CERK: variants seen among roughly 807,000 people sequenced by gnomAD.
CERK encodes acylsphingosine kinase.
A neutral mutation model predicts 63.4 loss-of-function variants in CERK; 39 were observed. The ratio of observed to expected loss-of-function variants is 0.61; its 90% CI spans 0.48 to 0.80. CERK has a LOEUF of 0.80. Ranked by LOEUF, CERK falls within the 30% of genes least tolerant of loss-of-function variation. The pLI is 0.00. For missense variants in CERK, 670 were observed against 714.1 expected, an observed-to-expected ratio of 0.94 and a Z score of 0.70; for synonymous variants, 302 against 280.0, an observed-to-expected ratio of 1.08 and a Z score of -0.78.
intron 1 of CERK, among the ~76,000 whole-genome samples, chr22:46,730,557 T>C (rs1052219021): frequency 2.6e-5 from 4 of 152,288 alleles, no homozygotes; most frequent in Admixed American, 1.3e-4. Flanking sequence ...GATAGAGGAA[T>C]AGTGAAGTTG....
At chr22:46,707,804 G>A in intron 6 of CERK, 39 bp downstream of exon 6, 2 of 1,577,214 alleles carry the variant, frequency 1.3e-6, no homozygotes, top group Non-Finnish European at 1.7e-6. Flanking sequence ...CCTAAGGACG[G>A]GAACGAAGAG....
intron 4 of CERK, 120 bp downstream of exon 4, chr22:46,712,048 C>T (rs2082843622): frequency 3.6e-6 from 4 of 1,107,614 alleles, no homozygotes; most frequent in Non-Finnish European, 3.9e-6. Flanking sequence ...AATTGCACCA[C>T]TGCACTCCAG....
rs34222392 is a variant in CERK, at chr22:46,702,223, A to ATGTGTGTGTGTG, written c.716-525_716-514dup. 2.2e-3 allele frequency among the ~76,000 whole-genome samples: 187 copies of ATGTGTGTGTGTG among 84,782 alleles called. 1 individual carries two copies. The highest frequency in any genetic ancestry group is 3.2e-3 in the Non-Finnish European group (140 of 43,214). The allele number at this position is 84,782 out of a possible 152,430, so 55.6% of individuals were successfully genotyped here. A position where few individuals can be genotyped will look rare whatever the true frequency, so the allele number is the denominator to read the frequency against. Reference sequence around the variant, plus strand: ...GCCAAAAAGTTAAAAAAATATATATATGTGTGTGTGTGTGTGTGTGTGTGT... The same window carrying ATGTGTGTGTGTG: ...GCCAAAAAGTTAAAAAAATATATATATGTGTGTGTGTGTGTGTGTGTGTGTGTGTGTGTGTGT... On this transcript the variant is annotated intron_variant, in intron 6 of 12. Transcript: ENST00000216264.
intron 1 of CERK, among the ~76,000 whole-genome samples, chr22:46,726,795 C>G (rs544405532): frequency 6.6e-6 from 1 of 152,154 alleles, no homozygotes; most frequent in African/African-American, 2.4e-5. Flanking sequence ...CCACGTCCAC[C>G]CTGACACAGC....
At chr22:46,737,503 CA>C (rs370183012) in intron 1 of CERK, among the ~76,000 whole-genome samples, 35 of 152,324 alleles carry the variant, frequency 2.3e-4, no homozygotes, top group African/African-American at 7.9e-4. Context: ...GCACACCCCA[CA>C]GAAAGTCAGG....
chr22:46,738,183 G>A lies in CERK; in HGVS notation c.-35C>T. ...CGGGCTCGTCCGCCAGGCTGGGGGC[G>A]CGCGGACGCCGAGGGGCGCCGGACC... is the stretch of plus-strand genomic sequence containing the variant. On this transcript the variant is annotated 5_prime_UTR_variant, in exon 1 of 13. Coordinates refer to ENST00000216264, the MANE Select transcript of CERK (RefSeq NM_022766.6). The A allele has an allele frequency of 8.9e-7, 1 of 1,120,762 alleles. No homozygotes were observed. Among genetic ancestry groups the A allele is most frequent in the Non-Finnish European group, 1.1e-6 (1 of 917,826 alleles). 69.4% of individuals were successfully genotyped at this position (1,120,762 alleles called of 1,614,324 possible).
chr22:46,701,735 A>C (rs1179218325), intron 6 of CERK, 25 bp from the exon 7 acceptor site: 2 of 1,530,752 alleles, frequency 1.3e-6, no homozygotes, highest in South Asian at 2.4e-5. Context: ...AGAAGGTCCC[A>C]AATAGCATCA....
At chr22:46,713,719 C>G (rs772696233) in intron 3 of CERK, among the ~76,000 whole-genome samples, 1 of 152,056 alleles carries the variant, frequency 6.6e-6, no homozygotes, top group Non-Finnish European at 1.5e-5. Context: ...AATGTGAAAA[C>G]AGTATGCAGA....
chr22:46,734,481 T>C (rs1601734240), intron 1 of CERK, among the ~76,000 whole-genome samples: 1 of 151,988 alleles, frequency 6.6e-6, no homozygotes, highest in Non-Finnish European at 1.5e-5. Flanking sequence ...TCCATTTACA[T>C]GAAACTCTAT....
chr22:46,736,430 G>C (rs1250899410), intron 1 of CERK, among the ~76,000 whole-genome samples: 5 of 152,190 alleles, frequency 3.3e-5, no homozygotes, highest in Non-Finnish European at 7.4e-5. Flanking sequence ...CCTGCAGATC[G>C]GCCCCTGCAT....
At chr22:46,693,248 AC>A (rs2082740391) in intron 10 of CERK, among the ~76,000 whole-genome samples, 178 bp downstream of exon 10, 1 of 152,208 alleles carries the variant, frequency 6.6e-6, no homozygotes, top group African/African-American at 2.4e-5. Flanking sequence ...ACAGCCACAC[AC>A]GGCAAGTAAC....
At chr22:46,713,829 T>G (rs765577891) in intron 3 of CERK, among the ~76,000 whole-genome samples, 7 of 152,098 alleles carry the variant, frequency 4.6e-5, no homozygotes, top group African/African-American at 1.7e-4. Context: ...TCAGAAGTCA[T>G]TGATTGAAAC....
chr22:46,701,363 CTGAGTACGGGCATCGCGCA>C (rs1391688932), intron 7 of CERK, among the ~76,000 whole-genome samples: 17 of 152,282 alleles, frequency 1.1e-4, no homozygotes, highest in Non-Finnish European at 2.9e-5. Flanking sequence ...GTCAGGTGAG[CTGAGTACGGGCATCGCGCA>C]TGTGGTGGAT....
chr22:46,701,939 G>T (rs2082786756), intron 6 of CERK, among the ~76,000 whole-genome samples: 1 of 152,192 alleles, frequency 6.6e-6, no homozygotes, highest in South Asian at 2.1e-4. Context: ...CCAGCACTTT[G>T]AGAGGCCGAG....
intron 3 of CERK, among the ~76,000 whole-genome samples, chr22:46,713,424 G>T (rs547307124): frequency 1.4e-5 from 2 of 146,340 alleles, no homozygotes; most frequent in African/African-American, 5.0e-5. Context: ...CAGGAGAATG[G>T]CATGAACCCG....
chr22:46,701,595 G>C (rs1278482192), intron 7 of CERK, 41 bp downstream of exon 7: 2 of 1,522,878 alleles, frequency 1.3e-6, no homozygotes, highest in Admixed American at 3.9e-5. Context: ...GGCGCAGGAG[G>C]CCCGGCTGCC....
In CERK at chr22:46,738,032, C is replaced by T. The variant is rs2082984370; in HGVS notation, c.117G>A (p.Gly39=). 5 of 1,198,268 alleles carry T rather than the reference C, an allele frequency of 4.2e-6. No homozygotes were observed. The highest frequency in any genetic ancestry group is 5.2e-6 in the Non-Finnish European group (5 of 969,052). The allele number at this position is 1,198,268 out of a possible 1,614,324, so 74.2% of individuals were successfully genotyped here. A position where few individuals can be genotyped will look rare whatever the true frequency, so the allele number is the denominator to read the frequency against. ...RALLRWWRSP[G]PGAGAPGADA... is the part of the protein sequence containing the mutation. ...CCGCGCCGGGGGCGCCGGCTCCGGG[C>T]CCCGGGCTCCGCCACCAGCGCAGCA... is the stretch of plus-strand genomic sequence containing the variant. Residue 39 remains glycine, a synonymous_variant, in exon 1 of 13, where the codon GGG becomes GGA. Transcript: ENST00000216264.
intron 12 of CERK, among the ~76,000 whole-genome samples, chr22:46,688,827 G>C (rs1381538395): frequency 6.6e-6 from 1 of 152,246 alleles, no homozygotes; most frequent in Non-Finnish European, 1.5e-5. Context: ...GAAGTAGACC[G>C]AGCTCTTACC....
chr22:46,738,159 GGGCTCGTCCGCCA>G lies in CERK; in HGVS notation c.-24_-12del. ...CCCCGTCGCCCCCATCTCCGCCGCC[GGGCTCGTCCGCCA>G]GGCTGGGGGCGCGCGGACGCCGAGG... On this transcript the variant is annotated 5_prime_UTR_variant, in exon 1 of 13. Coordinates refer to ENST00000216264, the MANE Select transcript of CERK (RefSeq NM_022766.6). 8.5e-7 allele frequency: 1 copy of G among 1,170,296 alleles called. No homozygotes were observed. The highest frequency in any genetic ancestry group is 1.1e-6 in the Non-Finnish European group (1 of 950,102). 72.5% of individuals were successfully genotyped at this position (1,170,296 alleles called of 1,614,324 possible).
Sources: gnomAD v4.1 joint callset for allele counts (sites outside exome capture counted in the v4.1 genomes callset) on GRCh38, gnomAD v4.1.1 for gene constraint, MANE v1.5 for transcripts, NCBI Gene and HGNC (gene_info 2026-07-23, HGNC 2026-07-21) for gene names.